The following INPP5F variants were observed in gnomAD, a reference collection of about 807,000 sequenced individuals.
The protein encoded by INPP5F is inositol polyphosphate-5-phosphatase F.
INPP5F carries 97 observed loss-of-function variants against 137.2 expected under a neutral mutation model. The ratio of observed to expected loss-of-function variants is 0.71; its 90% CI spans 0.60 to 0.84. INPP5F has a LOEUF of 0.84. Ranked by LOEUF, INPP5F falls within the 40% of genes least tolerant of loss-of-function variation. The pLI, the probability that INPP5F is intolerant of heterozygous loss-of-function variation, is 0.00. For synonymous variants in INPP5F, 504 were observed against 476.9 expected (o/e 1.06, Z -0.74); for missense variants, 1,271 against 1,371.9 (o/e 0.93, Z 1.16).
In INPP5F at chr10:119,780,210, A is replaced by G. The variant is rs555345579; in HGVS notation, c.179-1425A>G. Among the ~76,000 whole-genome samples the G allele has an allele frequency of 1.2e-3, 185 of 152,286 alleles. 2 individuals carry two copies. The highest frequency in any genetic ancestry group is 4.4e-3 in the African/African-American group (181 of 41,518). ...GTGGTATGTGACTGTATAGATATAT[A>G]TCACCTCATATTTTCTTCCTTACAT... On this transcript the variant is annotated intron_variant, in intron 2 of 19. Transcript: ENST00000650623.
chr10:119,827,124 G>A lies in INPP5F; in HGVS notation c.2743G>A (p.Val915Ile), dbSNP rs149605875. Residue 915 changes from valine (V) to isoleucine (I), a missense_variant, in exon 20 of 20, where the codon GTT (valine) becomes ATT (isoleucine). Physicochemically the swap from Val to Ile is conservative, Grantham distance 29. Transcript: ENST00000650623. ...SQSLSSTDSS[V>I]HAPSEITVAH... is the part of the protein sequence containing the mutation. ...GTCTCTTAGCAGCACAGATAGTAGC[G>A]TTCATGCTCCTTCAGAGATTACTGT... 2.1e-5 allele frequency: 34 copies of A among 1,614,022 alleles called. No individual in the cohort carries two copies. Among genetic ancestry groups the A allele is most frequent in the Non-Finnish European group, 2.8e-5 (33 of 1,180,046 alleles).
chr10:119,790,745 T>G (rs1040860961), intron 3 of INPP5F, among the ~76,000 whole-genome samples: 1 of 152,258 alleles, frequency 6.6e-6, no homozygotes, highest in Non-Finnish European at 1.5e-5. Context: ...AGAATTTGTG[T>G]GTACATTTCA....
At chr10:119,735,281 T>A (rs543500589) in intron 1 of INPP5F, among the ~76,000 whole-genome samples, 77 of 152,336 alleles carry the variant, frequency 5.1e-4, no homozygotes, top group Middle Eastern at 3.4e-3. Context: ...TTAAGTTATT[T>A]TATTTTAATT....
chr10:119,752,968 T>C (rs999084447), intron 2 of INPP5F, among the ~76,000 whole-genome samples: 2 of 151,996 alleles, frequency 1.3e-5, no homozygotes, highest in African/African-American at 4.8e-5. Flanking sequence ...TTTTTGCTAT[T>C]AGAACTAATA....
intron 2 of INPP5F, among the ~76,000 whole-genome samples, chr10:119,757,005 T>C (rs966355942): frequency 6.6e-6 from 1 of 152,186 alleles, no homozygotes. Flanking sequence ...GGGTGTAATG[T>C]AGTCTGTCTT....
intron 19 of INPP5F, among the ~76,000 whole-genome samples, chr10:119,825,122 C>T (rs913202667): frequency 1.3e-5 from 2 of 152,168 alleles, no homozygotes; most frequent in African/African-American, 4.8e-5. Context: ...CGCACTCAGA[C>T]CTGGCACACA....
Position 119,805,269 on chromosome 10 carries a change from G to A in INPP5F, c.1242-115G>A. ...ATATAGTAGTATTAACCTCATATAT[G>A]TACAGCAACAATTCTTTTTAATTTT... is the stretch of plus-strand genomic sequence containing the variant. On this transcript the variant is annotated intron_variant, in intron 10 of 19. Coordinates refer to ENST00000650623, the MANE Select transcript of INPP5F (RefSeq NM_014937.4). The A allele has an allele frequency of 7.0e-6, 5 of 715,962 alleles. No individual in the cohort carries two copies. In the South Asian group the frequency reaches 8.7e-5, roughly 12 times the overall value. 44.4% of individuals were successfully genotyped at this position (715,962 alleles called of 1,614,324 possible).
Position 119,791,665 on chromosome 10 carries a change from A to G in INPP5F, c.444+20A>G, listed in dbSNP as rs772360956. ...AAGAAAGTAAGAGTTTAATTGATAT[A>G]GGCTTTGAATTCACCTTTGATTAGT... On this transcript the variant is annotated intron_variant, in intron 4 of 19. Transcript: ENST00000650623. The G allele has an allele frequency of 1.3e-6, 2 of 1,577,812 alleles. No individual in the cohort carries two copies. The highest frequency in any genetic ancestry group is 1.1e-5 in the South Asian group (1 of 89,198).
At chr10:119,786,626 T>G (rs893878770) in intron 3 of INPP5F, among the ~76,000 whole-genome samples, 2 of 152,138 alleles carry the variant, frequency 1.3e-5, no homozygotes, top group East Asian at 3.8e-4. Context: ...TCATCCTGCC[T>G]TCAGCCCCCC....
At chr10:119,744,656 A>G (rs1452693796) in intron 1 of INPP5F, among the ~76,000 whole-genome samples, 1 of 152,016 alleles carries the variant, frequency 6.6e-6, no homozygotes, top group Non-Finnish European at 1.5e-5. Context: ...GGCTCAAGTG[A>G]TCCTCCTGCC....
At chr10:119,771,728 T>G (rs1849341827) in intron 2 of INPP5F, among the ~76,000 whole-genome samples, 1 of 151,114 alleles carries the variant, frequency 6.6e-6, no homozygotes, top group East Asian at 1.9e-4. Context: ...GTATTACTTT[T>G]AACAAAGAGA....
intron 3 of INPP5F, among the ~76,000 whole-genome samples, chr10:119,788,799 A>G (rs1436357749): frequency 6.6e-6 from 1 of 152,256 alleles, no homozygotes. Context: ...CTTGAAGAGA[A>G]CAATGGACTC....
chr10:119,789,865 C>G (rs1338739588), intron 3 of INPP5F, among the ~76,000 whole-genome samples: 1 of 151,542 alleles, frequency 6.6e-6, no homozygotes, highest in Non-Finnish European at 1.5e-5. Flanking sequence ...AGGAACTGCT[C>G]AAAGCGGCAG....
chr10:119,821,539 A>G (rs1851561596), intron 16 of INPP5F, among the ~76,000 whole-genome samples: 1 of 152,178 alleles, frequency 6.6e-6, no homozygotes, highest in Non-Finnish European at 1.5e-5. Flanking sequence ...GTAAATATTC[A>G]ATTTATTTTT....
chr10:119,778,768 AAGTT>A (rs1433146306), intron 2 of INPP5F, among the ~76,000 whole-genome samples: 12 of 152,104 alleles, frequency 7.9e-5, no homozygotes, highest in African/African-American at 1.4e-4. Context: ...TAGTTTTCTG[AAGTT>A]AGTTCAGTTA....
intron 15 of INPP5F, chr10:119,819,566 A>G: frequency 2.5e-6 from 4 of 1,570,188 alleles, no homozygotes; most frequent in Non-Finnish European, 3.5e-6. Context: ...AAAACTTAAC[A>G]TTTTACAGTG....
chr10:119,818,253 G>A (rs1851370617), intron 15 of INPP5F, among the ~76,000 whole-genome samples: 1 of 152,246 alleles, frequency 6.6e-6, no homozygotes, highest in South Asian at 2.1e-4. Context: ...AAGAGGCTCT[G>A]AGACTGGAGA....
chr10:119,814,117 C>G (rs1463651821), intron 15 of INPP5F, among the ~76,000 whole-genome samples: 1 of 152,098 alleles, frequency 6.6e-6, no homozygotes, highest in Non-Finnish European at 1.5e-5. Context: ...TAGGGCCGGG[C>G]ACGGTGGCTC....
chr10:119,731,858 A>G (rs1848078256), intron 1 of INPP5F, among the ~76,000 whole-genome samples: 1 of 151,908 alleles, frequency 6.6e-6, no homozygotes, highest in African/African-American at 2.4e-5. Flanking sequence ...ACTACTTTTT[A>G]CTCCATATTT....
Sources: gnomAD v4.1 joint callset for allele counts (sites outside exome capture counted in the v4.1 genomes callset) on GRCh38, gnomAD v4.1.1 for gene constraint, MANE v1.5 for transcripts, NCBI Gene and HGNC (gene_info 2026-07-23, HGNC 2026-07-21) for gene names.